The following NARS1 variants were observed in gnomAD, a reference collection of about 807,000 sequenced individuals.
NARS1 encodes the protein asparagine--tRNA ligase, cytoplasmic.
NARS1 carries 65 observed loss-of-function variants against 79.2 expected under a neutral mutation model. The ratio of observed to expected loss-of-function variants is 0.82; its 90% CI spans 0.67 to 1.01. The LOEUF is 1.01. Ranked by LOEUF, NARS1 falls within the 50% of genes least tolerant of loss-of-function variation. The pLI is 0.00. For synonymous variants in NARS1, 229 were observed against 238.8 expected (o/e 0.96, Z 0.38); for missense variants, 649 against 673.8 (o/e 0.96, Z 0.41).
At chr18:57,617,096 T>G (rs1268979326) in intron 2 of NARS1, among the ~76,000 whole-genome samples, 1 of 152,164 alleles carries the variant, frequency 6.6e-6, no homozygotes, top group Non-Finnish European at 1.5e-5. Context: ...ATGTATTGTT[T>G]GTAGTTTTTA....
chr18:57,612,977 A>G (rs11663509), intron 5 of NARS1, among the ~76,000 whole-genome samples: 15,978 of 152,210 alleles, frequency 0.1, 927 homozygotes, highest in Non-Finnish European at 0.13. Context: ...AACTTGACAA[A>G]TATTTACTGG....
intron 11 of NARS1, 61 bp downstream of exon 11, chr18:57,605,796 C>T (rs1194693314): frequency 3.6e-6 from 4 of 1,123,490 alleles, no homozygotes; most frequent in Non-Finnish European, 5.2e-6. Context: ...GTTCATTAAC[C>T]AGAAGAAGAG....
chr18:57,607,134 T>A lies in NARS1; in HGVS notation c.1001A>T (p.Glu334Val). 6.2e-7 allele frequency: 1 copy of A among 1,608,584 alleles called. No individual in the cohort carries two copies. Among genetic ancestry groups the A allele is most frequent in the Non-Finnish European group, 8.5e-7 (1 of 1,176,960 alleles). Residue 334 changes from glutamate to valine, a missense_variant and splice_region_variant, in exon 9 of 14, where the codon GAG (glutamate) becomes GTG (valine). Glu to Val is a moderately radical substitution (Grantham distance 121, BLOSUM62 -2). Transcript: ENST00000256854. ...ATAAAACAAAAAGACAACTTCATAC[T>A]CAGCCAGGTGCCTTCGTGTTCTGGA... Reference protein sequence around the residue: ...EQSRTRRHLAEYTHVEAECPF... With the variant: ...EQSRTRRHLAVYTHVEAECPF...
rs1237422509 is a variant in NARS1 at position 57,601,557 on chromosome 18, A to G, written c.*95T>C. 1.3e-5 allele frequency: 17 copies of G among 1,306,952 alleles called. No individual in the cohort carries two copies. The highest frequency in any genetic ancestry group is 2.5e-5 in the Admixed American group (1 of 40,230). 81.0% of individuals were successfully genotyped at this position (1,306,952 alleles called of 1,614,324 possible). A position where few individuals can be genotyped will look rare whatever the true frequency, so the allele number is the denominator to read the frequency against. The stretch of plus-strand genomic sequence containing the variant: ...AAGAAAAACAGAAAGAGAAACCCCA[A>G]TGAAACAAAAAAAGGAAGATTCTGG... On this transcript the variant is annotated 3_prime_UTR_variant, in exon 14 of 14. Transcript: ENST00000256854.
At chr18:57,611,580 TA>T in intron 6 of NARS1, 56 bp downstream of exon 6, 1 of 1,157,324 alleles carries the variant, frequency 8.6e-7, no homozygotes, top group African/African-American at 1.6e-5. Context: ...TACAAAACAA[TA>T]AAGGAATCTA....
At position 57,607,456 on chromosome 18, in the gene NARS1, C is replaced by A; in HGVS notation, c.789G>T (p.Arg263Ser). The A allele has an allele frequency of 6.2e-7, 1 of 1,614,006 alleles. No homozygotes were observed. Among genetic ancestry groups the A allele is most frequent in the Non-Finnish European group, 8.5e-7 (1 of 1,179,922 alleles). The part of the protein sequence containing the change: ...TRCFRDHFFD[R>S]GYYEVTPPTL... ...AATGCATACTTACTTCATAGTACCC[C>A]CTATCAAAGAAGTGATCTCTAAAGC... Residue 263 changes from arginine (R) to serine (S), a missense_variant, in exon 8 of 14, where the codon AGG becomes AGT. Coordinates refer to ENST00000256854, the MANE Select transcript of NARS1 (RefSeq NM_004539.4).
intron 11 of NARS1, among the ~76,000 whole-genome samples, chr18:57,603,552 A>G (rs1183613952): frequency 1.3e-5 from 2 of 152,254 alleles, no homozygotes; most frequent in Non-Finnish European, 2.9e-5. Flanking sequence ...ATGTTAGATG[A>G]TGACTTAAGC....
intron 9 of NARS1, 53 bp downstream of exon 9, chr18:57,607,081 C>G: frequency 6.7e-7 from 1 of 1,501,604 alleles, no homozygotes; most frequent in South Asian, 1.2e-5. Flanking sequence ...ACTAAGATTT[C>G]TTCTCTAAAG....
intron 11 of NARS1, among the ~76,000 whole-genome samples, chr18:57,604,405 A>G (rs2051536873): frequency 6.6e-6 from 1 of 152,064 alleles, no homozygotes; most frequent in African/African-American, 2.4e-5. Flanking sequence ...AAAAAAAACC[A>G]AAAAACCAAA....
At position 57,615,839 on chromosome 18, in the gene NARS1, C is replaced by T. The variant is rs2122451936; in HGVS notation, c.230G>A (p.Ser77Asn). The change falls in exon 3 of 14, where the codon AGT becomes AAT. Residue 77 changes from serine to asparagine, a missense_variant. By Grantham distance (46) the Ser-to-Asn change is conservative (BLOSUM62 1). Transcript: ENST00000256854. ...KKMWHREQMK[S>N]ESREKKEAED... ...CACCTCTTTCTTTTCCCGGGATTCA[C>T]TCTTCATTTGTTCCCTATGCCACAT... 6.2e-7 allele frequency: 1 copy of T among 1,612,590 alleles called. No individual in the cohort carries two copies. Among genetic ancestry groups the T allele is most frequent in the Non-Finnish European group, 8.5e-7 (1 of 1,179,566 alleles).
chr18:57,607,023 T>C (rs1381595194), intron 9 of NARS1, 111 bp downstream of exon 9: 1 of 1,190,258 alleles, frequency 8.4e-7, no homozygotes, highest in Non-Finnish European at 1.2e-6. Flanking sequence ...CATTAACCAC[T>C]TAATATATCA....
At chr18:57,605,297 G>C (rs17759149) in intron 11 of NARS1, among the ~76,000 whole-genome samples, 26,711 of 151,798 alleles carry the variant, frequency 0.18, 2,653 homozygotes, top group East Asian at 0.33. Context: ...CAAAGCATGA[G>C]ACATGAAGGC....
intron 7 of NARS1, among the ~76,000 whole-genome samples, chr18:57,608,138 T>A (rs1032536159): frequency 3.3e-5 from 5 of 151,454 alleles, no homozygotes; most frequent in Non-Finnish European, 7.4e-5. Context: ...AGTGCTGGGA[T>A]TACAGGCATG....
At chr18:57,602,680 C>T in intron 12 of NARS1, 132 bp downstream of exon 12, 2 of 1,290,862 alleles carry the variant, frequency 1.5e-6, no homozygotes, top group Non-Finnish European at 2.1e-6. Context: ...GGTGAAAAAA[C>T]CCAACGTCTT....
intron 1 of NARS1, 145 bp downstream of exon 1, chr18:57,621,563 T>TCCCCCCCCCCCC: frequency 3.3e-6 from 1 of 300,794 alleles, no homozygotes; most frequent in African/African-American, 2.4e-5. Context: ...GCCAGCACCC[T>TCCCCCCCCCCCC]CCCTCCCTCC....
In NARS1 at chr18:57,615,830, CG is replaced by C. The variant is rs1568166254; in HGVS notation, c.238del (p.Arg80GlyfsTer36). Reference sequence around the variant, plus strand: ...GTCAGGACTCACCTCTTTCTTTTCCCGGGATTCACTCTTCATTTGTTCCCTA... The same window carrying C: ...GTCAGGACTCACCTCTTTCTTTTCCCGGATTCACTCTTCATTTGTTCCCTA... ...WHREQMKSES[R>X]EKKEAEDSLR... On this transcript the variant is annotated frameshift_variant, in exon 3 of 14. Coordinates refer to ENST00000256854, the MANE Select transcript of NARS1 (RefSeq NM_004539.4). LOFTEE classifies it high-confidence loss of function. The C allele has an allele frequency of 9.3e-6, 15 of 1,611,632 alleles. No homozygotes were observed. Among genetic ancestry groups the C allele is most frequent in the Non-Finnish European group, 1.2e-5 (14 of 1,179,258 alleles).
intron 7 of NARS1, among the ~76,000 whole-genome samples, chr18:57,608,224 G>A (rs566309259): frequency 1.3e-5 from 2 of 152,008 alleles, no homozygotes; most frequent in South Asian, 4.2e-4. Context: ...ACTGAGGCGG[G>A]TGGATAACGA....
chr18:57,615,224 C>T (rs1175088001), intron 4 of NARS1, among the ~76,000 whole-genome samples: 15 of 151,346 alleles, frequency 9.9e-5, no homozygotes, highest in Admixed American at 3.3e-4. Context: ...GAAAGTAGGC[C>T]GGGCGCAGTG....
intron 11 of NARS1, among the ~76,000 whole-genome samples, chr18:57,604,151 C>G (rs749904167): frequency 6.6e-6 from 1 of 152,238 alleles, no homozygotes; most frequent in East Asian, 1.9e-4. Flanking sequence ...GGCCTTCTGA[C>G]TCCACAGCTT....
Sources: gnomAD v4.1 joint callset for allele counts (sites outside exome capture counted in the v4.1 genomes callset) on GRCh38, gnomAD v4.1.1 for gene constraint, MANE v1.5 for transcripts, NCBI Gene and HGNC (gene_info 2026-07-23, HGNC 2026-07-21) for gene names.